The following LPIN2 variants were observed in gnomAD, a reference collection of about 807,000 sequenced individuals.
The protein encoded by LPIN2 is lipin 2.
In LPIN2, 55 loss-of-function variants were observed where a neutral mutation model predicts 111.4. The observed-to-expected ratio is 0.49, with a 90% confidence interval of 0.40 to 0.62. LPIN2 has a LOEUF of 0.62. LPIN2 is among the 20% of genes least tolerant of loss of function. The probability of loss-of-function intolerance (pLI) is 0.00; values close to 1 mark genes in which losing one functional copy is unlikely to be tolerated. For missense variants in LPIN2, 992 were observed against 1,112.1 expected (o/e 0.89, Z 1.54); for synonymous variants, 425 against 414.0 (o/e 1.03, Z -0.32).
rs920933929 is a variant in LPIN2 at position 2,937,626 on chromosome 18, TG to T, written c.1168+65del. 8 of 1,314,814 alleles carry T rather than the reference TG, an allele frequency of 6.1e-6. No homozygotes were observed. The African/African-American group carries it at 7.3e-5, about 12-fold the overall frequency. 81.4% of individuals were successfully genotyped at this position (1,314,814 alleles called of 1,614,324 possible). On this transcript the variant is annotated intron_variant, in intron 7 of 19. Transcript: ENST00000677752. ...ATACAGAGGCAGCCATCACGTTATG[TG>T]GAACACTGAAATAATTTACCATCTA...
At position 2,918,438 on chromosome 18, in the gene LPIN2, C is replaced by T. The variant is rs946996482; in HGVS notation, c.*1855G>A. Reference sequence around the variant, plus strand: ...TAAATAGAAGGTAGTCAAGAGGACACACAGATGGCATCTATGAAATAAGGT... The same window carrying T: ...TAAATAGAAGGTAGTCAAGAGGACATACAGATGGCATCTATGAAATAAGGT... On this transcript the variant is annotated 3_prime_UTR_variant, in exon 20 of 20. Transcript: ENST00000677752. 6.6e-6 allele frequency: 1 copy of T among 152,208 alleles called. No homozygotes were observed. The highest frequency in any genetic ancestry group is 6.5e-5 in the Admixed American group (1 of 15,276). The allele number at this position is 152,208 out of a possible 1,614,324, so 9.4% of individuals were successfully genotyped here.
intron 4 of LPIN2, among the ~76,000 whole-genome samples, chr18:2,941,260 G>A (rs1359615743): frequency 6.6e-6 from 1 of 152,086 alleles, no homozygotes; most frequent in Non-Finnish European, 1.5e-5. Flanking sequence ...TTAAAACCTT[G>A]GGACTAATTT....
chr18:2,994,799 C>T (rs1539793), intron 1 of LPIN2, among the ~76,000 whole-genome samples: 1 of 152,002 alleles, frequency 6.6e-6, no homozygotes, highest in Non-Finnish European at 1.5e-5. Context: ...TCCCCGGCGG[C>T]GGGTGGGGGC....
chr18:2,936,569 A>C (rs1309012190), intron 7 of LPIN2, among the ~76,000 whole-genome samples: 1 of 151,922 alleles, frequency 6.6e-6, no homozygotes, highest in Non-Finnish European at 1.5e-5. Flanking sequence ...TAACTTCTTA[A>C]GGTAATTTTT....
Position 2,934,433 on chromosome 18 carries a change from G to A in LPIN2, c.1186C>T (p.Gln396Ter). Residue 396 changes from glutamine (Q) to a stop codon, truncating the protein, a stop_gained, in exon 8 of 20, where the codon CAA becomes TAA. Coordinates refer to ENST00000677752, the MANE Select transcript of LPIN2 (RefSeq NM_001375808.2). LOFTEE classifies it high-confidence loss of function. ...TAAATATCATCAGGTCCCTGGTGTT[G>A]GCTTCTTTTGTGAACACCTGTTTAA... Reference protein sequence around the residue: ...SKKKGVHKRSQHQGPDDIYLD... With the variant: ...SKKKGVHKRS The A allele has an allele frequency of 6.2e-7, 1 of 1,612,396 alleles. No individual in the cohort carries two copies. The highest frequency in any genetic ancestry group is 8.5e-7 in the Non-Finnish European group (1 of 1,178,718).
At chr18:2,950,276 G>C (rs1369997391) in intron 4 of LPIN2, 2 of 152,132 alleles carry the variant, frequency 1.3e-5, no homozygotes, top group East Asian at 3.9e-4. Flanking sequence ...AAAAACACTT[G>C]AACATCACTG....
intron 1 of LPIN2, among the ~76,000 whole-genome samples, chr18:3,000,996 G>A (rs890049258): frequency 1.3e-5 from 2 of 150,802 alleles, no homozygotes; most frequent in East Asian, 3.9e-4. Context: ...GGGAGAGAGA[G>A]AGAAATTAAA....
chr18:2,986,912 G>A (rs928116858), intron 1 of LPIN2, among the ~76,000 whole-genome samples: 8 of 152,126 alleles, frequency 5.3e-5, no homozygotes, highest in African/African-American at 1.9e-4. Context: ...CAAAAGAAAT[G>A]GAAAACCCTC....
At chr18:2,930,617 A>G (rs1231381563) in intron 9 of LPIN2, among the ~76,000 whole-genome samples, 2 of 152,162 alleles carry the variant, frequency 1.3e-5, no homozygotes, top group East Asian at 3.8e-4. Context: ...GGCCAAACTG[A>G]GAAATACTAA....
chr18:2,999,609 G>GAAA (rs11370947), intron 1 of LPIN2, among the ~76,000 whole-genome samples: 1 of 143,330 alleles, frequency 7.0e-6, no homozygotes, highest in Non-Finnish European at 1.5e-5. Flanking sequence ...GTCTCAAAAA[G>GAAA]AAAAAAAAAA....
At chr18:3,000,640 G>A (rs1247927105) in intron 1 of LPIN2, among the ~76,000 whole-genome samples, 6 of 152,330 alleles carry the variant, frequency 3.9e-5, no homozygotes, top group African/African-American at 1.4e-4. Context: ...TCTACCTGTG[G>A]GGAGAGGCCT....
Position 2,987,669 on chromosome 18 carries a change from T to G in LPIN2, c.-10+25418A>C, listed in dbSNP as rs148611823. On this transcript the variant is annotated intron_variant, in intron 1 of 19. Transcript: ENST00000677752. ...GTTGCTGTGATCTCTTTCAATTACTTAAAAATTTTTTATTTAAAAGATATT... is the reference window on the plus strand; with the variant it reads ...GTTGCTGTGATCTCTTTCAATTACTGAAAAATTTTTTATTTAAAAGATATT... 7.0e-3 allele frequency among the ~76,000 whole-genome samples: 1,072 copies of G among 152,302 alleles called. 15 individuals are homozygous for G. Among genetic ancestry groups the G allele is most frequent in the African/African-American group, 0.025 (1,023 of 41,560 alleles).
intron 8 of LPIN2, among the ~76,000 whole-genome samples, chr18:2,933,280 A>G (rs1189429635): frequency 6.6e-6 from 1 of 152,210 alleles, no homozygotes; most frequent in African/African-American, 2.4e-5. Flanking sequence ...AGGTATCATC[A>G]CCTTAGTTAC....
chr18:2,947,810 T>C (rs2077477270), intron 4 of LPIN2, among the ~76,000 whole-genome samples: 1 of 152,200 alleles, frequency 6.6e-6, no homozygotes, highest in Non-Finnish European at 1.5e-5. Flanking sequence ...CAAAAGCAAT[T>C]GATTTCCTTT....
chr18:3,009,763 A>C (rs148352966), intron 1 of LPIN2, among the ~76,000 whole-genome samples: 103 of 152,308 alleles, frequency 6.8e-4, no homozygotes, highest in African/African-American at 1.8e-3. Context: ...TCTTGTTAAC[A>C]ATTTTAACAT....
At chr18:3,004,667 A>G (rs1012633720) in intron 1 of LPIN2, among the ~76,000 whole-genome samples, 1 of 152,130 alleles carries the variant, frequency 6.6e-6, no homozygotes, top group Non-Finnish European at 1.5e-5. Flanking sequence ...CTGACATACC[A>G]CGTCTCACAT....
intron 1 of LPIN2, among the ~76,000 whole-genome samples, chr18:3,007,646 A>C (rs1029654174): frequency 2.6e-5 from 4 of 151,766 alleles, no homozygotes; most frequent in African/African-American, 9.8e-5. Flanking sequence ...TCCTTAACTT[A>C]TGTTGGCTCA....
Position 2,992,243 on chromosome 18 carries a change from C to G in LPIN2, c.-10+20844G>C, listed in dbSNP as rs941291659. 5.9e-5 allele frequency among the ~76,000 whole-genome samples: 9 copies of G among 152,090 alleles called. No individual in the cohort carries two copies. The East Asian group carries it at 9.6e-4, about 16-fold the overall frequency. ...ATGGAATATCATTCAGTCATGAAAA[C>G]AAGTGAAGTTCTGATACATGCCACA... On this transcript the variant is annotated intron_variant, in intron 1 of 19. Transcript: ENST00000677752.
intron 1 of LPIN2, among the ~76,000 whole-genome samples, chr18:2,971,010 T>C (rs1478316136): frequency 1.3e-5 from 2 of 152,160 alleles, no homozygotes; most frequent in South Asian, 4.1e-4. Flanking sequence ...CAATGCACCC[T>C]CTCTCCGAGT....
Sources: gnomAD v4.1 joint callset for allele counts (sites outside exome capture counted in the v4.1 genomes callset) on GRCh38, gnomAD v4.1.1 for gene constraint, MANE v1.5 for transcripts, NCBI Gene and HGNC (gene_info 2026-07-23, HGNC 2026-07-21) for gene names.